AKAP4: variants seen among roughly 807,000 people sequenced by gnomAD.
AKAP4 encodes A-kinase anchor protein 4.
AKAP4 carries 4 observed loss-of-function variants against 42.6 expected under a neutral mutation model. The ratio of observed to expected loss-of-function variants is 0.09; its 90% confidence interval spans 0.05 to 0.22. The LOEUF is 0.22. Among genes scored for constraint, AKAP4 ranks in the 10% least tolerant of loss-of-function variants. The pLI is 1.00. For synonymous variants in AKAP4, 223 were observed against 233.0 expected, an observed-to-expected ratio of 0.96 and a Z score of 0.39; for missense variants, 551 against 630.7, an observed-to-expected ratio of 0.87 and a Z score of 1.35.
In AKAP4 at chrX:50,192,754, G is replaced by A. The variant is rs782159385; in HGVS notation, c.1959C>T (p.Asn653=). The A allele has an allele frequency of 2.6e-5, 32 of 1,210,388 alleles. No homozygotes were observed. In the East Asian group the frequency reaches 8.0e-4, roughly 30 times the overall value. ...FKCEDPCEGE[N]KCSEPRASKA... The stretch of plus-strand genomic sequence containing the variant: ...TGCTTGCCCTGGGCTCAGAACACTT[G>A]TTCTCACCTTCGCATGGATCCTCAC... Residue 653 remains asparagine, a synonymous_variant, in exon 5 of 6, where the codon AAC becomes AAT. Coordinates refer to ENST00000358526, the MANE Select transcript of AKAP4 (RefSeq NM_003886.3).
intron 5 of AKAP4, 69 bp from the exon 6 acceptor site, chrX:50,191,184 T>TCTAC: frequency 8.7e-7 from 1 of 1,145,103 alleles, no homozygotes; most frequent in Non-Finnish European, 1.2e-6. Context: ...TGGACGAAGT[T>TCTAC]CTACCACCCA....
In AKAP4 at chrX:50,198,757, A is replaced by G; in HGVS notation, c.28-5T>C. 1 of 1,186,127 alleles carries G rather than the reference A, an allele frequency of 8.4e-7. No homozygotes were observed. The highest frequency in any genetic ancestry group is 1.1e-6 in the Non-Finnish European group (1 of 875,966). On this transcript the variant is annotated splice_polypyrimidine_tract_variant and splice_region_variant and intron_variant, in intron 1 of 5. Transcript: ENST00000358526. ...CCAGTCAATATCATCAGACATCTGG[A>G]AAGAGAAAGAAAAGAAAGCTGAAAT...
chrX:50,194,893 A>T (rs782200257), intron 4 of AKAP4, among the ~76,000 whole-genome samples: 1 of 111,705 alleles, frequency 9.0e-6, no homozygotes, highest in African/African-American at 3.2e-5. Flanking sequence ...TACCTATTGT[A>T]TATGTCTACT....
chrX:50,194,075 G>C lies in AKAP4; in HGVS notation c.638C>G (p.Ser213Cys). 5 of 1,211,462 alleles carry C rather than the reference G, an allele frequency of 4.1e-6. No homozygotes were observed. Among genetic ancestry groups the C allele is most frequent in the Non-Finnish European group, 5.6e-6 (5 of 895,246 alleles). Residue 213 changes from serine to cysteine, a missense_variant, in exon 5 of 6, where the codon TCT becomes TGT. Physicochemically the swap from Ser to Cys is moderately radical, Grantham distance 112 (BLOSUM62 -1). Coordinates refer to ENST00000358526, the MANE Select transcript of AKAP4 (RefSeq NM_003886.3). ...RAVISPDGEC[S>C]IDDLSFYVNR... is the part of the protein sequence containing the mutation. The stretch of plus-strand genomic sequence containing the variant: ...GACGTAGAAGGAAAGGTCATCTATA[G>C]AACATTCTCCATCAGGGGAAATGAC...
At chrX:50,196,796 A>G in intron 4 of AKAP4, 95 bp downstream of exon 4, 1 of 604,615 alleles carries the variant, frequency 1.7e-6, no homozygotes, top group Non-Finnish European at 2.7e-6. Flanking sequence ...AGCCTGTTTG[A>G]CAGTAAGTGT....
Position 50,190,890 on chromosome X carries a change from T to G in AKAP4, c.*70A>C. ...TGTATTGTGCAGTTGACTGGCCTGA[T>G]GGTGGGGGTGCTCTGGCTGGGATGG... On this transcript the variant is annotated 3_prime_UTR_variant, in exon 6 of 6. Coordinates refer to ENST00000358526, the MANE Select transcript of AKAP4 (RefSeq NM_003886.3). The G allele has an allele frequency of 8.6e-7, 1 of 1,162,771 alleles. No individual in the cohort carries two copies. The highest frequency in any genetic ancestry group is 2.2e-5 in the Admixed American group (1 of 44,849).
intron 5 of AKAP4, among the ~76,000 whole-genome samples, chrX:50,191,670 A>AAGAGAGAGAGAG (rs782187338): frequency 2.2e-5 from 2 of 90,020 alleles, no homozygotes; most frequent in African/African-American, 8.6e-5. Context: ...GAGAGAGAGA[A>AAGAGAGAGAGAG]AGAGAGAGAG....
chrX:50,192,286 C>T lies in AKAP4; in HGVS notation c.2409+18G>A, dbSNP rs113699042. ...TGCCCATTCCAACTTTCTTCTTGTG[C>T]CTTAATGCATTACTTACCTTTTCCA... On this transcript the variant is annotated intron_variant, in intron 5 of 5. Coordinates refer to ENST00000358526, the MANE Select transcript of AKAP4 (RefSeq NM_003886.3). 5,118 of 1,157,778 alleles carry T rather than the reference C, an allele frequency of 4.4e-3. 135 individuals carry two copies. In the African/African-American group the frequency reaches 0.083, roughly 19 times the overall value.
intron 5 of AKAP4, among the ~76,000 whole-genome samples, 187 bp downstream of exon 5, chrX:50,192,117 G>T (rs1935120079): frequency 9.0e-6 from 1 of 111,514 alleles, no homozygotes; most frequent in Admixed American, 9.5e-5. Context: ...GAAATGCACA[G>T]GCTTTGAGGT....
chrX:50,200,244 T>C (rs1229548059), intron 1 of AKAP4: 1 of 752,036 alleles, frequency 1.3e-6, no homozygotes, highest in African/African-American at 2.3e-5. Context: ...ATGATGAAGT[T>C]CTTTTAGATG....
chrX:50,196,331 CTTG>C (rs782414473), intron 4 of AKAP4, among the ~76,000 whole-genome samples: 96 of 111,843 alleles, frequency 8.6e-4, no homozygotes, highest in African/African-American at 2.9e-3. Context: ...GAGAGGGTGA[CTTG>C]TTGTATGCTC....
chrX:50,199,511 T>C (rs1157434816), intron 1 of AKAP4, among the ~76,000 whole-genome samples: 3 of 109,243 alleles, frequency 2.7e-5, no homozygotes, highest in Non-Finnish European at 5.7e-5. Flanking sequence ...CATCACCCCC[T>C]GCCACCACCT....
At chrX:50,199,851 TC>T (rs1311298985) in intron 1 of AKAP4, among the ~76,000 whole-genome samples, 1 of 50,888 alleles carries the variant, frequency 2.0e-5, no homozygotes, top group African/African-American at 7.8e-5. Context: ...TTCTCCCTCT[TC>T]CCTCCCCCTC....
At position 50,194,035 on chromosome X, in the gene AKAP4, A is replaced by G. The variant is rs781897011; in HGVS notation, c.678T>C (p.Ser226=). 13 of 1,211,837 alleles carry G rather than the reference A, an allele frequency of 1.1e-5. No homozygotes were observed. Among genetic ancestry groups the G allele is most frequent in the Non-Finnish European group, 1.1e-5 (10 of 895,534 alleles). Residue 226 remains serine (S), a synonymous_variant, in exon 5 of 6, where the codon TCT becomes TCC. Coordinates refer to ENST00000358526, the MANE Select transcript of AKAP4 (RefSeq NM_003886.3). ...CCTTATGGGCCATCTGGATTACCAG[A>G]GAAGATAGTCGGTTGACGTAGAAGG... ...DLSFYVNRLS[S]LVIQMAHKEI...
In AKAP4 at chrX:50,198,664, C is replaced by T. The variant is rs782079722; in HGVS notation, c.116G>A (p.Arg39Gln). 32 of 1,204,980 alleles carry T rather than the reference C, an allele frequency of 2.7e-5. No individual in the cohort carries two copies. Among genetic ancestry groups the T allele is most frequent in the Middle Eastern group, 2.3e-4 (1 of 4,341 alleles). Residue 39 changes from arginine (R) to glutamine (Q), a missense_variant, in exon 2 of 6, where the codon CGG becomes CAG. Physicochemically the swap from Arg to Gln is conservative, Grantham distance 43. Transcript: ENST00000358526. ...AGTCATTTTTTATCTTACCACTTTC[C>T]GGTCCTGATCTTGCTGTCCTTCTGG... ...YNPEGQQDQD[R>Q]KVICFVDVST... is the part of the protein sequence containing the mutation.
At position 50,193,418 on chromosome X, in the gene AKAP4, C is replaced by T. The variant is rs1557203958; in HGVS notation, c.1295G>A (p.Ser432Asn). The part of the protein sequence containing the change: ...IMEAMLKRLV[S>N]ALIGEEKETK... Reference sequence around the variant, plus strand: ...CTCCTTCTCCTCACCTATAAGGGCACTGACCAAGCGCTTCAGCATGGCCTC... The same window carrying T: ...CTCCTTCTCCTCACCTATAAGGGCATTGACCAAGCGCTTCAGCATGGCCTC... The change falls in exon 5 of 6, where the codon AGT (serine) becomes AAT (asparagine). Residue 432 changes from serine (S) to asparagine (N), a missense_variant. Physicochemically the swap from Ser to Asn is conservative, Grantham distance 46. Transcript: ENST00000358526. The T allele has an allele frequency of 8.3e-7, 1 of 1,211,910 alleles. No individual in the cohort carries two copies. The highest frequency in any genetic ancestry group is 1.8e-5 in the South Asian group (1 of 56,976).
chrX:50,193,635 G>C lies in AKAP4; in HGVS notation c.1078C>G (p.Pro360Ala). The C allele has an allele frequency of 8.3e-7, 1 of 1,211,324 alleles. No individual in the cohort carries two copies. The highest frequency in any genetic ancestry group is 1.1e-6 in the Non-Finnish European group (1 of 895,355). ...TTCAGGACCACAGATGCTGGAATTG[G>C]CTTCCCAGAGCTGTGCACTTTCAAG... is the stretch of plus-strand genomic sequence containing the variant. ...KTLKVHSSGK[P>A]IPASVVLKRV... The change falls in exon 5 of 6, where the codon CCA (proline) becomes GCA (alanine). Residue 360 changes from proline (P) to alanine (A), a missense_variant. Transcript: ENST00000358526.
At chrX:50,200,303 G>A in intron 1 of AKAP4, 1 of 754,265 alleles carries the variant, frequency 1.3e-6, no homozygotes, top group Non-Finnish European at 1.6e-6. Context: ...CCTTTAGATG[G>A]AACTGAGAAG....
intron 4 of AKAP4, among the ~76,000 whole-genome samples, chrX:50,194,750 G>A (rs1557204192): frequency 9.0e-6 from 1 of 111,101 alleles, no homozygotes. Flanking sequence ...AAATATAGCA[G>A]TTCACATGTG....
Sources: gnomAD v4.1 joint callset for allele counts (sites outside exome capture counted in the v4.1 genomes callset) on GRCh38, gnomAD v4.1.1 for gene constraint, MANE v1.5 for transcripts, NCBI Gene and HGNC (gene_info 2026-07-23, HGNC 2026-07-21) for gene names.